Variants in HOGA1 observed in about 807,000 individuals in gnomAD.
The protein encoded by HOGA1 is 4-hydroxy-2-oxoglutarate aldolase 1, also known as 4-hydroxy-2-oxoglutarate aldolase, mitochondrial.
Under a neutral mutation model 34.3 loss-of-function variants are expected in HOGA1, and 30 were observed. That is an observed-to-expected ratio of 0.87 (90% CI 0.65 to 1.19). The LOEUF (loss-of-function observed/expected upper bound fraction) is 1.19. HOGA1 is among the 50% of genes most tolerant of loss of function. The pLI, the probability that HOGA1 is intolerant of heterozygous loss-of-function variation, is 0.00. For synonymous variants in HOGA1, 161 were observed against 174.0 expected, an observed-to-expected ratio of 0.93 and a Z score of 0.59; for missense variants, 417 against 436.5, an observed-to-expected ratio of 0.96 and a Z score of 0.40.
chr10:97,601,739 C>T (rs1419237277), intron 5 of HOGA1, 118 bp from the exon 6 acceptor site: 3 of 1,234,098 alleles, frequency 2.4e-6, no homozygotes, highest in African/African-American at 3.0e-5. Context: ...ATGTAGCCAG[C>T]CAAGTGACAT....
rs759839443 is a variant in HOGA1 at position 97,584,696 on chromosome 10, C to T, written c.-8C>T. The stretch of plus-strand genomic sequence containing the variant: ...ATAGACCAATTGTGCTTCAGGCCTC[C>T]TGCAGAGATGCTGGGTCCCCAAGTC... On this transcript the variant is annotated 5_prime_UTR_variant, in exon 1 of 7. Transcript: ENST00000370646. The T allele has an allele frequency of 3.1e-6, 5 of 1,608,338 alleles. No individual in the cohort carries two copies. Among genetic ancestry groups the T allele is most frequent in the Non-Finnish European group, 3.4e-6 (4 of 1,176,624 alleles).
At chr10:97,590,107 C>T (rs371440500) in intron 1 of HOGA1, 5 of 1,614,024 alleles carry the variant, frequency 3.1e-6, no homozygotes, top group Non-Finnish European at 4.2e-6. Flanking sequence ...AAGAGGTCAG[C>T]TCCACGGTTC....
At chr10:97,593,874 T>C (rs2041048131) in intron 1 of HOGA1, among the ~76,000 whole-genome samples, 3 of 151,804 alleles carry the variant, frequency 2.0e-5, no homozygotes, top group Admixed American at 1.3e-4. Context: ...GCAGTCAACT[T>C]GTTTTTTTTT....
intron 1 of HOGA1, chr10:97,589,679 TG>T (rs953231526): frequency 1.3e-5 from 5 of 386,904 alleles, no homozygotes; most frequent in Non-Finnish European, 2.4e-5. Context: ...GTTGAGGTGG[TG>T]GGGGGCACCT....
intron 3 of HOGA1, 77 bp from the exon 4 acceptor site, chr10:97,599,603 G>A: frequency 6.3e-7 from 1 of 1,589,216 alleles, no homozygotes; most frequent in Non-Finnish European, 8.6e-7. Context: ...GCTGGGACCT[G>A]TGGGTGGGCA....
chr10:97,592,246 T>TTC (rs2041031433), intron 1 of HOGA1, among the ~76,000 whole-genome samples: 1 of 150,252 alleles, frequency 6.7e-6, no homozygotes, highest in Non-Finnish European at 1.5e-5. Context: ...TGTACTTTTT[T>TTC]TTTTTTTTTT....
In HOGA1 at chr10:97,612,001, G is replaced by T; in HGVS notation, c.*342G>T. The stretch of plus-strand genomic sequence containing the variant: ...AAGGGCAGAGGGGCAAGTAGGCACA[G>T]TAAGGGAATTTTCTTTTCTTTTTTT... On this transcript the variant is annotated 3_prime_UTR_variant, in exon 7 of 7. Transcript: ENST00000370646. The T allele has an allele frequency of 1.6e-5, 4 of 243,666 alleles. No homozygotes were observed. The highest frequency in any genetic ancestry group is 3.2e-5 in the Non-Finnish European group (4 of 126,646). The allele number at this position is 243,666 out of a possible 1,614,324, so 15.1% of individuals were successfully genotyped here.
chr10:97,610,505 A>G (rs539508608), intron 6 of HOGA1, among the ~76,000 whole-genome samples: 1 of 151,058 alleles, frequency 6.6e-6, no homozygotes, highest in South Asian at 2.1e-4. Context: ...ATAAATTATT[A>G]CGGGTGCAGT....
At position 97,611,786 on chromosome 10, in the gene HOGA1, C is replaced by T; in HGVS notation, c.*127C>T. On this transcript the variant is annotated 3_prime_UTR_variant, in exon 7 of 7. Transcript: ENST00000370646. ...GGGGAGCCGATAGAGGCTCCTTTGC[C>T]TGCTGTGGTCCTCCAGGCAGCCTTT... The T allele has an allele frequency of 8.5e-7, 1 of 1,170,388 alleles. No individual in the cohort carries two copies. The highest frequency in any genetic ancestry group is 1.2e-6 in the Non-Finnish European group (1 of 822,656). 72.5% of individuals were successfully genotyped at this position (1,170,388 alleles called of 1,614,324 possible).
At position 97,591,168 on chromosome 10, in the gene HOGA1, G is replaced by A. The variant is rs371089427; in HGVS notation, c.211+6254G>A. Among the ~76,000 whole-genome samples, 12 of 152,320 alleles carry A rather than the reference G, an allele frequency of 7.9e-5. No individual in the cohort carries two copies. The East Asian group carries it at 1.5e-3, about 20-fold the overall frequency. ...TCTGATGTTGCCAGGGAAGAGGGGAGCAGCCAGGTATTGGGCTTGGAGGAG... is the reference window on the plus strand; with the variant it reads ...TCTGATGTTGCCAGGGAAGAGGGGAACAGCCAGGTATTGGGCTTGGAGGAG... On this transcript the variant is annotated intron_variant, in intron 1 of 6. Transcript: ENST00000370646.
intron 1 of HOGA1, among the ~76,000 whole-genome samples, chr10:97,589,078 C>T (rs4919115): frequency 6.6e-6 from 1 of 152,082 alleles, no homozygotes; most frequent in Non-Finnish European, 1.5e-5. Flanking sequence ...CAGCTACCAT[C>T]CCGGAGTGGC....
intron 6 of HOGA1, among the ~76,000 whole-genome samples, chr10:97,607,659 GAT>G (rs534197367): frequency 3.9e-5 from 6 of 151,904 alleles, no homozygotes; most frequent in Non-Finnish European, 8.8e-5. Flanking sequence ...ATAATGTCCA[GAT>G]ATATATATAA....
chr10:97,586,007 T>C (rs972452152), intron 1 of HOGA1, among the ~76,000 whole-genome samples: 2 of 151,960 alleles, frequency 1.3e-5, no homozygotes, highest in Non-Finnish European at 2.9e-5. Context: ...CGTGGTGGTG[T>C]GTGCCTGTAA....
At chr10:97,596,554 G>A (rs1219385163) in intron 1 of HOGA1, among the ~76,000 whole-genome samples, 1 of 152,158 alleles carries the variant, frequency 6.6e-6, no homozygotes, top group East Asian at 1.9e-4. Context: ...TTTACGGAGA[G>A]CACTGCAGCC....
intron 1 of HOGA1, among the ~76,000 whole-genome samples, chr10:97,593,402 G>A (rs2041043957): frequency 1.3e-5 from 2 of 151,974 alleles, no homozygotes; most frequent in South Asian, 4.1e-4. Context: ...GCTTGAACCT[G>A]GGAGGTGGAG....
intron 6 of HOGA1, among the ~76,000 whole-genome samples, chr10:97,609,127 G>A (rs2041178552): frequency 6.6e-6 from 1 of 152,136 alleles, no homozygotes; most frequent in Non-Finnish European, 1.5e-5. Flanking sequence ...GCAGAAACGA[G>A]GGCCCCGTTG....
chr10:97,609,023 T>C (rs2041177690), intron 6 of HOGA1, among the ~76,000 whole-genome samples: 1 of 152,114 alleles, frequency 6.6e-6, no homozygotes, highest in Admixed American at 6.6e-5. Flanking sequence ...AACTTAGATT[T>C]ACAGAAACGA....
At position 97,609,386 on chromosome 10, in the gene HOGA1, C is replaced by T. The variant is rs555496903; in HGVS notation, c.835-2124C>T. 4.6e-5 allele frequency among the ~76,000 whole-genome samples: 7 copies of T among 152,252 alleles called. No homozygotes were observed. In the South Asian group the frequency reaches 1.0e-3, roughly 23 times the overall value. On this transcript the variant is annotated intron_variant, in intron 6 of 6. Coordinates refer to ENST00000370646, the MANE Select transcript of HOGA1 (RefSeq NM_138413.4). ...CACAGATGAAGCAGCTTGGGCTGCCCCTGGGGAAGAGTGGATGCCTAGCTG... is the reference window on the plus strand; with the variant it reads ...CACAGATGAAGCAGCTTGGGCTGCCTCTGGGGAAGAGTGGATGCCTAGCTG...
chr10:97,611,828 CAT>C lies in HOGA1; in HGVS notation c.*172_*173del. 2 of 700,834 alleles carry C rather than the reference CAT, an allele frequency of 2.9e-6. No individual in the cohort carries two copies. The highest frequency in any genetic ancestry group is 2.4e-6 in the Non-Finnish European group (1 of 416,666). The allele number at this position is 700,834 out of a possible 1,614,324, so 43.4% of individuals were successfully genotyped here. A position where few individuals can be genotyped will look rare whatever the true frequency, so the allele number is the denominator to read the frequency against. On this transcript the variant is annotated 3_prime_UTR_variant, in exon 7 of 7. Transcript: ENST00000370646. ...GCAGCCTTTCACAGGCACGCCCATG[CAT>C]ATCTCCTATTCTAACGGCCCCTGAC... is the stretch of plus-strand genomic sequence containing the variant.
Sources: gnomAD v4.1 joint callset for allele counts (sites outside exome capture counted in the v4.1 genomes callset) on GRCh38, gnomAD v4.1.1 for gene constraint, MANE v1.5 for transcripts, NCBI Gene and HGNC (gene_info 2026-07-23, HGNC 2026-07-21) for gene names.